Variants in SPOCK2 observed in about 807,000 individuals in gnomAD.
The protein encoded by SPOCK2 is testican-2.
A neutral mutation model predicts 60.1 loss-of-function variants in SPOCK2; 39 were observed. The observed-to-expected ratio is 0.65, with a 90% CI of 0.50 to 0.85. SPOCK2 has a LOEUF of 0.85. Among genes scored for constraint, SPOCK2 ranks in the 40% least tolerant of loss-of-function variants. The pLI is 0.00. For missense variants in SPOCK2, 523 were observed against 567.4 expected, an observed-to-expected ratio of 0.92 and a Z score of 0.80; for synonymous variants, 217 against 231.5, an observed-to-expected ratio of 0.94 and a Z score of 0.57.
Position 72,068,313 on chromosome 10 carries a change from G to T in SPOCK2, c.475-12C>A. The T allele has an allele frequency of 1.2e-6, 2 of 1,600,178 alleles. No homozygotes were observed. The highest frequency in any genetic ancestry group is 1.7e-6 in the Non-Finnish European group (2 of 1,172,472). ...TGCTCCAGCTTACACTGCACATGGG[G>T]AAAGGTGGAACAGGGGACTGAGGGC... is the stretch of plus-strand genomic sequence containing the variant. On this transcript the variant is annotated splice_polypyrimidine_tract_variant and intron_variant, in intron 5 of 10. Transcript: ENST00000373109.
In SPOCK2 at chr10:72,088,008, T is replaced by A. The variant is rs539579285; in HGVS notation, c.189+132A>T. ...GGCTGTGACCCCCAGTACTGTTTACTTTCCGTGTAATTAGCCGGCCAGGCT... is the reference window on the plus strand; with the variant it reads ...GGCTGTGACCCCCAGTACTGTTTACATTCCGTGTAATTAGCCGGCCAGGCT... On this transcript the variant is annotated intron_variant, in intron 1 of 10. Transcript: ENST00000373109. 193 of 1,194,668 alleles carry A rather than the reference T, an allele frequency of 1.6e-4. No homozygotes were observed. In the African/African-American group the frequency reaches 2.5e-3, roughly 16 times the overall value. The allele number at this position is 1,194,668 out of a possible 1,614,324, so 74.0% of individuals were successfully genotyped here. A position where few individuals can be genotyped will look rare whatever the true frequency, so the allele number is the denominator to read the frequency against.
upstream of SPOCK2, chr10:72,088,829 G>A (rs1198126478): frequency 6.5e-6 from 1 of 152,704 alleles, no homozygotes; most frequent in African/African-American, 2.4e-5. Flanking sequence ...CGGGGAAGAT[G>A]GGATGGGGGA....
At chr10:72,088,979 T>G (rs1840905697), upstream of SPOCK2, 1 of 152,226 alleles carries the variant, frequency 6.6e-6, no homozygotes, top group Non-Finnish European at 1.5e-5. Context: ...TTCCTGCGAG[T>G]TATGGCTCTA....
intron 9 of SPOCK2, among the ~76,000 whole-genome samples, chr10:72,063,619 G>A (rs1840527414): frequency 6.6e-6 from 1 of 152,206 alleles, no homozygotes; most frequent in Non-Finnish European, 1.5e-5. Context: ...CTCCCCAGCT[G>A]AAGCTCCCAG....
chr10:72,064,234 G>A lies in SPOCK2; in HGVS notation c.935C>T (p.Pro312Leu). Reference protein sequence around the residue: ...WCFCFWREKPPCLAELERIQI... With the variant: ...WCFCFWREKPLCLAELERIQI... ...GATGCGCTCCAGCTCTGCCAGGCAG[G>A]GGGGCTCTGTGGGGAGAGAAGCAGC... Residue 312 changes from proline to leucine, a missense_variant, in exon 9 of 11, where the codon CCC becomes CTC. Pro to Leu is a moderately conservative substitution (Grantham distance 98). Transcript: ENST00000373109. 1 of 1,600,374 alleles carries A rather than the reference G, an allele frequency of 6.2e-7. No individual in the cohort carries two copies. The highest frequency in any genetic ancestry group is 8.5e-7 in the Non-Finnish European group (1 of 1,175,148).
rs139142132 is a variant in SPOCK2 at position 72,066,995 on chromosome 10, C to T, written c.835G>A (p.Glu279Lys). 23 of 1,614,098 alleles carry T rather than the reference C, an allele frequency of 1.4e-5. No individual in the cohort carries two copies. Among genetic ancestry groups the T allele is most frequent in the East Asian group, 8.9e-5 (4 of 44,896 alleles). The change falls in exon 8 of 11, where the codon GAG (glutamate) becomes AAG (lysine). Residue 279 changes from glutamate (E) to lysine (K), a missense_variant. Transcript: ENST00000373109. Reference protein sequence around the residue: ...ELAAINLDKYEVCIRPFFNSC... With the variant: ...ELAAINLDKYKVCIRPFFNSC... Reference sequence around the variant, plus strand: ...TTGAAGAAGGGACGGATGCAGACCTCGTACTTGTCCAGGTTGATGGCGGCC... The same window carrying T: ...TTGAAGAAGGGACGGATGCAGACCTTGTACTTGTCCAGGTTGATGGCGGCC...
intron 1 of SPOCK2, among the ~76,000 whole-genome samples, chr10:72,076,241 G>A (rs971993488): frequency 2.6e-5 from 4 of 152,196 alleles, no homozygotes; most frequent in African/African-American, 9.6e-5. Context: ...TAAAACTCAA[G>A]GACACACTGA....
chr10:72,065,408 C>T (rs1018284499), intron 8 of SPOCK2, among the ~76,000 whole-genome samples: 9 of 152,256 alleles, frequency 5.9e-5, no homozygotes, highest in South Asian at 4.1e-4. Context: ...CAGCACATAA[C>T]ATGCTGCACA....
intron 1 of SPOCK2, 29 bp from the exon 2 acceptor site, chr10:72,072,939 T>C (rs1288894105): frequency 1.3e-6 from 2 of 1,553,794 alleles, no homozygotes; most frequent in Non-Finnish European, 8.7e-7. Context: ...CAGCAGGCCA[T>C]GGAAAACGGA....
chr10:72,077,649 T>A (rs1031526372), intron 1 of SPOCK2, among the ~76,000 whole-genome samples: 1 of 152,208 alleles, frequency 6.6e-6, no homozygotes, highest in African/African-American at 2.4e-5. Context: ...ACGGGGCCTC[T>A]GGGATGAAAA....
chr10:72,083,146 T>C (rs1031434037), intron 1 of SPOCK2, among the ~76,000 whole-genome samples: 3 of 152,204 alleles, frequency 2.0e-5, no homozygotes, highest in Non-Finnish European at 2.9e-5. Flanking sequence ...TTCTCAGGTT[T>C]CTTGGTCTCC....
Position 72,087,110 on chromosome 10 carries a change from C to T in SPOCK2, c.189+1030G>A, listed in dbSNP as rs1453078248. On this transcript the variant is annotated intron_variant, in intron 1 of 10. Coordinates refer to ENST00000373109, the MANE Select transcript of SPOCK2 (RefSeq NM_001244950.2). This position sits in a 1 kb window ranked among gnomAD's most constrained non-coding sequence, Gnocchi z 4.7. ...CGCCTCTGGCGCATCCGGGCCCATC[C>T]CCCACAGCACCCCCAACGATCTCGG... The T allele has an allele frequency of 1.4e-5, 15 of 1,063,822 alleles. 1 individual carries two copies. In the South Asian group the frequency reaches 1.5e-4, roughly 10 times the overall value. 65.9% of individuals were successfully genotyped at this position (1,063,822 alleles called of 1,614,324 possible). A position where few individuals can be genotyped will look rare whatever the true frequency, so the allele number is the denominator to read the frequency against.
rs1840534449 is a variant in SPOCK2 at position 72,064,167 on chromosome 10, TG to T, written c.991+10del. 1 of 1,612,160 alleles carries T rather than the reference TG, an allele frequency of 6.2e-7. No individual in the cohort carries two copies. Among genetic ancestry groups the T allele is most frequent in the Admixed American group, 1.7e-5 (1 of 59,902 alleles). On this transcript the variant is annotated intron_variant, in intron 9 of 10. Coordinates refer to ENST00000373109, the MANE Select transcript of SPOCK2 (RefSeq NM_001244950.2). ...CACCTCCTCCTCTGAGAGCCTGGTC[TG>T]GCCCCTCACCTGGCTTCTTCTTGGC... is the stretch of plus-strand genomic sequence containing the variant.
intron 5 of SPOCK2, among the ~76,000 whole-genome samples, 169 bp from the exon 6 acceptor site, chr10:72,068,470 T>C (rs1840602259): frequency 6.6e-6 from 1 of 152,100 alleles, no homozygotes; most frequent in South Asian, 2.1e-4. Context: ...AGGTGCACGG[T>C]GGAGAGAAGC....
intron 1 of SPOCK2, among the ~76,000 whole-genome samples, chr10:72,082,846 C>T: frequency 7.4e-6 from 1 of 135,886 alleles, no homozygotes; most frequent in Non-Finnish European, 1.6e-5. Context: ...AGAGTGAGAC[C>T]CTGTCTCAAA....
chr10:72,075,610 C>T (rs553138137), intron 1 of SPOCK2, among the ~76,000 whole-genome samples: 5 of 152,284 alleles, frequency 3.3e-5, no homozygotes, highest in South Asian at 4.1e-4. Flanking sequence ...GTGGGGATGG[C>T]GTGGGAGTTC....
Position 72,086,918 on chromosome 10 carries a change from G to A in SPOCK2, c.189+1222C>T, listed in dbSNP as rs151314411. ...ACAAATTTCCAAGGAACTTGTGGATGCACGCAGTTTAAGGAGAAAACGGGA... is the reference window on the plus strand; with the variant it reads ...ACAAATTTCCAAGGAACTTGTGGATACACGCAGTTTAAGGAGAAAACGGGA... On this transcript the variant is annotated intron_variant, in intron 1 of 10. Transcript: ENST00000373109. 3.2e-6 allele frequency: 5 copies of A among 1,551,568 alleles called. No homozygotes were observed. The East Asian group carries it at 1.2e-4, about 38-fold the overall frequency.
rs548601269 is a variant in SPOCK2, at chr10:72,072,540, A to G, written c.207T>C (p.Tyr69=). The change falls in exon 3 of 11, where the codon TAT becomes TAC. Residue 69 remains tyrosine, a synonymous_variant. Coordinates refer to ENST00000373109, the MANE Select transcript of SPOCK2 (RefSeq NM_001244950.2). ...NRFRDEVEDD[Y]IKSWEDNQQG... ...GCTGATTGTCCTCCCAGCTCTTGAT[A>G]TAGTCATCCTAGAGGACAGAGAGGG... 1.2e-6 allele frequency: 2 copies of G among 1,613,964 alleles called. No individual in the cohort carries two copies. Among genetic ancestry groups the G allele is most frequent in the East Asian group, 2.2e-5 (1 of 44,888 alleles).
At chr10:72,067,527 A>C in intron 7 of SPOCK2, 86 bp downstream of exon 7, 5 of 1,577,480 alleles carry the variant, frequency 3.2e-6, no homozygotes, top group Non-Finnish European at 4.3e-6. Context: ...GGAAGGAACA[A>C]GGGCAGACTG....
Sources: allele counts gnomAD v4.1 joint callset (sites outside exome capture counted in the v4.1 genomes callset), GRCh38; gene constraint gnomAD v4.1.1; non-coding constraint Gnocchi (gnomAD v3.1); transcripts MANE v1.5; gene names NCBI Gene and HGNC (gene_info 2026-07-23, HGNC 2026-07-21).